ASIC2: variants seen among roughly 807,000 people sequenced by gnomAD.
The protein encoded by ASIC2 is acid sensing ion channel subunit 2.
In ASIC2, 25 loss-of-function variants were observed where a neutral mutation model predicts 57.3. The ratio of observed to expected loss-of-function variants is 0.44; its 90% CI spans 0.32 to 0.61. ASIC2 has a LOEUF of 0.61. Among genes scored for constraint, ASIC2 ranks in the 20% least tolerant of loss-of-function variants. The probability of loss-of-function intolerance (pLI) is 0.06; values close to 1 mark genes in which losing one functional copy is unlikely to be tolerated. For synonymous variants in ASIC2, 319 were observed against 307.5 expected (o/e 1.04, Z -0.39); for missense variants, 641 against 738.1 (o/e 0.87, Z 1.52).
At chr17:33,898,203 C>T (rs887840662) in intron 1 of ASIC2, among the ~76,000 whole-genome samples, 1 of 140,124 alleles carries the variant, frequency 7.1e-6, no homozygotes, top group Non-Finnish European at 1.5e-5. Context: ...AAAAACTGCC[C>T]AGAGTTCATG....
chr17:33,393,163 C>A (rs1242683969), intron 1 of ASIC2, among the ~76,000 whole-genome samples: 2 of 152,122 alleles, frequency 1.3e-5, no homozygotes, highest in East Asian at 1.9e-4. Flanking sequence ...TGCTTGCCTG[C>A]TCAATGGCTC....
At chr17:33,586,124 A>G (rs1451333334) in intron 1 of ASIC2, among the ~76,000 whole-genome samples, 7 of 152,204 alleles carry the variant, frequency 4.6e-5, no homozygotes, top group Non-Finnish European at 1.0e-4. Context: ...GAGCTGGCAA[A>G]GAAGAGTGTC....
chr17:33,415,704 C>A (rs1910819693), intron 1 of ASIC2, among the ~76,000 whole-genome samples: 1 of 151,482 alleles, frequency 6.6e-6, no homozygotes, highest in Admixed American at 6.6e-5. Flanking sequence ...AGAGAGAGAG[C>A]TGGAGGGGAG....
intron 1 of ASIC2, among the ~76,000 whole-genome samples, chr17:33,809,152 C>T (rs1268482869): frequency 6.6e-6 from 1 of 152,168 alleles, no homozygotes; most frequent in Non-Finnish European, 1.5e-5. Flanking sequence ...GGATCCACAT[C>T]GCAGCCTCAG....
intron 1 of ASIC2, among the ~76,000 whole-genome samples, chr17:34,010,225 T>C (rs1160022280): frequency 2.6e-5 from 4 of 152,102 alleles, no homozygotes; most frequent in Non-Finnish European, 5.9e-5. Context: ...TCAGGGAAAA[T>C]GTTCCGAGGT....
At chr17:33,644,059 T>C (rs1906667588) in intron 1 of ASIC2, among the ~76,000 whole-genome samples, 1 of 152,162 alleles carries the variant, frequency 6.6e-6, no homozygotes, top group African/African-American at 2.4e-5. Flanking sequence ...AAGAAAGCAT[T>C]TGGGTCCCTA....
chr17:33,437,180 A>G (rs191958019), intron 1 of ASIC2, among the ~76,000 whole-genome samples: 109 of 151,944 alleles, frequency 7.2e-4, no homozygotes, highest in African/African-American at 2.5e-3. Context: ...TTCTTTTGAG[A>G]CAGGATCTCA....
In ASIC2 at chr17:33,023,927, T is replaced by C; in HGVS notation, c.1283A>G (p.Lys428Arg). Residue 428 changes from lysine (K) to arginine (R), a missense_variant, in exon 6 of 10, where the codon AAG becomes AGG. Lys to Arg is a conservative substitution (Grantham distance 26). Around this residue, in one of 3 missense-constraint regions of ASIC2, gnomAD observed 252 missense variants for 319.8 expected, o/e 0.79. Coordinates refer to ENST00000225823, the MANE Select transcript of ASIC2 (RefSeq NM_183377.2). ...CTTGGCTGATGTCTTGCTGGGGATCTTCACCATGGAGAGCTCTTTGTTGTA... is the reference window on the plus strand; with the variant it reads ...CTTGGCTGATGTCTTGCTGGGGATCCTCACCATGGAGAGCTCTTTGTTGTA... Reference protein sequence around the residue: ...TRYNKELSMVKIPSKTSAKYL... With the variant: ...TRYNKELSMVRIPSKTSAKYL... 1.2e-6 allele frequency: 2 copies of C among 1,614,240 alleles called. No homozygotes were observed. The highest frequency in any genetic ancestry group is 1.7e-6 in the Non-Finnish European group (2 of 1,180,044).
intron 1 of ASIC2, among the ~76,000 whole-genome samples, chr17:33,787,183 T>A (rs1166904961): frequency 6.6e-6 from 1 of 152,224 alleles, no homozygotes; most frequent in Non-Finnish European, 1.5e-5. Context: ...CTATCTCCCA[T>A]TGCAACAATT....
intron 3 of ASIC2, among the ~76,000 whole-genome samples, chr17:33,033,418 G>C (rs1463273894): frequency 6.6e-6 from 1 of 152,212 alleles, no homozygotes; most frequent in Admixed American, 6.5e-5. Flanking sequence ...CAAGCAGGCA[G>C]GAGCAGGGGA....
intron 1 of ASIC2, among the ~76,000 whole-genome samples, chr17:34,083,837 T>G (rs1216331197): frequency 6.6e-6 from 1 of 152,262 alleles, no homozygotes; most frequent in Non-Finnish European, 1.5e-5. Flanking sequence ...GAAGTGTCTG[T>G]TCAGGTCCTT....
rs368526189 is a variant in ASIC2 at position 33,437,710 on chromosome 17, C to T, written c.556-325643G>A. Among the ~76,000 whole-genome samples the T allele has an allele frequency of 1.8e-3, 267 of 152,210 alleles. 2 individuals are homozygous for T. The highest frequency in any genetic ancestry group is 6.1e-3 in the African/African-American group (252 of 41,532). Reference sequence around the variant, plus strand: ...ACTTGGGAGGCTGAGGCACAAGAATCGCGTGAACCCAGGATGCGGAGGTTG... The same window carrying T: ...ACTTGGGAGGCTGAGGCACAAGAATTGCGTGAACCCAGGATGCGGAGGTTG... On this transcript the variant is annotated intron_variant, in intron 1 of 9. Coordinates refer to the ASIC2 transcript ENST00000359872.
At chr17:33,663,889 C>G (rs985474563) in intron 1 of ASIC2, among the ~76,000 whole-genome samples, 13 of 152,118 alleles carry the variant, frequency 8.5e-5, no homozygotes, top group African/African-American at 3.1e-4. Flanking sequence ...CAGGGCAGCC[C>G]TCCTCAGAGT....
intron 1 of ASIC2, among the ~76,000 whole-genome samples, chr17:33,259,242 T>C (rs114995608): frequency 2.0e-3 from 305 of 152,282 alleles, no homozygotes; most frequent in African/African-American, 7.0e-3. Flanking sequence ...AACATCCTCT[T>C]TGGTAATGAT....
At chr17:33,546,186 C>CAT (rs1915572836) in intron 1 of ASIC2, among the ~76,000 whole-genome samples, 1 of 149,844 alleles carries the variant, frequency 6.7e-6, no homozygotes, top group South Asian at 2.1e-4. Context: ...AATATATATA[C>CAT]ATATGTATAT....
intron 1 of ASIC2, among the ~76,000 whole-genome samples, chr17:33,934,295 C>G (rs528856483): frequency 6.6e-6 from 1 of 152,194 alleles, no homozygotes; most frequent in Non-Finnish European, 1.5e-5. Flanking sequence ...AATGCCAGTT[C>G]GAAACGGCCA....
intron 1 of ASIC2, among the ~76,000 whole-genome samples, chr17:33,754,959 A>AAAC (rs1910550691): frequency 7.5e-6 from 1 of 132,728 alleles, no homozygotes; most frequent in Non-Finnish European, 1.5e-5. Context: ...CTCCATCTCA[A>AAAC]AAAAAAAAAA....
chr17:33,383,847 A>T (rs1027932572), intron 1 of ASIC2, among the ~76,000 whole-genome samples: 2 of 152,210 alleles, frequency 1.3e-5, no homozygotes, highest in African/African-American at 2.4e-5. Context: ...CCAATTTAGC[A>T]GGGATTAATA....
chr17:33,171,244 G>T (rs978207476), intron 1 of ASIC2, among the ~76,000 whole-genome samples: 2 of 152,164 alleles, frequency 1.3e-5, no homozygotes. Flanking sequence ...TTTTATCAAA[G>T]CCATTGGTTT....
Sources: allele counts gnomAD v4.1 joint callset (sites outside exome capture counted in the v4.1 genomes callset), GRCh38; gene constraint gnomAD v4.1.1; regional missense constraint gnomAD v4.1.1; transcripts MANE v1.5; gene names NCBI Gene and HGNC (gene_info 2026-07-23, HGNC 2026-07-21).